BRCA1: variants seen among roughly 807,000 people sequenced by gnomAD.
BRCA1 encodes BRCA1 DNA repair associated, also known as breast cancer type 1 susceptibility protein.
A neutral mutation model predicts 173.7 loss-of-function variants in BRCA1; 140 were observed. The observed-to-expected ratio is 0.81, with a 90% CI of 0.70 to 0.93. The LOEUF is 0.93. Among genes scored for constraint, BRCA1 ranks in the 40% least tolerant of loss-of-function variants. BRCA1 has a pLI of 0.00. For missense variants in BRCA1, 1,983 were observed against 2,172.5 expected (o/e 0.91, Z 1.73); for synonymous variants, 662 against 756.0 (o/e 0.88, Z 2.04).
At position 43,138,875 on chromosome 17, in the gene BRCA1, G is replaced by A. The variant is rs547074173; in HGVS notation, c.-19-14760C>T. On this transcript the variant is annotated intron_variant, in intron 1 of 7. Transcript: ENST00000634433. The stretch of plus-strand genomic sequence containing the variant: ...GTGGGGCTGCAAGGACCTCAGCAGC[G>A]GTGTCCCAAGTTTCCTGACTTCTTC... 4.5e-5 allele frequency: 35 copies of A among 778,808 alleles called. 1 individual carries two copies. Among genetic ancestry groups the A allele is most frequent in the South Asian group, 4.3e-4 (32 of 74,520 alleles). 48.2% of individuals were successfully genotyped at this position (778,808 alleles called of 1,614,324 possible).
upstream of BRCA1, among the ~76,000 whole-genome samples, chr17:43,126,909 G>T (rs1482838615): frequency 1.3e-5 from 2 of 152,194 alleles, no homozygotes; most frequent in East Asian, 3.9e-4. Flanking sequence ...AGGTGGGCGC[G>T]GGCTCAGCGG....
rs28897691 is a variant in BRCA1, at chr17:43,074,370, C to G, written c.4636G>C (p.Asp1546His). The G allele has an allele frequency of 4.3e-6, 7 of 1,614,072 alleles. No individual in the cohort carries two copies. In the South Asian group the frequency reaches 6.6e-5, roughly 15 times the overall value. Reference sequence around the variant, plus strand: ...GGCAAGTAAGATGTTTCCGTCAAATCGTGTGGCCCAGACTCTTCCAGCTGT... The same window carrying G: ...GGCAAGTAAGATGTTTCCGTCAAATGGTGTGGCCCAGACTCTTCCAGCTGT... Reference protein sequence around the residue: ...EQQLEESGPHDLTETSYLPRQ... With the variant: ...EQQLEESGPHHLTETSYLPRQ... The change falls in exon 14 of 23, where the codon GAT becomes CAT. Residue 1546 changes from aspartate to histidine, a missense_variant. Physicochemically the swap from Asp to His is moderately conservative, Grantham distance 81. Transcript: ENST00000357654.
chr17:43,108,462 G>A (rs1342941263), intron 3 of BRCA1, among the ~76,000 whole-genome samples: 1 of 151,528 alleles, frequency 6.6e-6, no homozygotes, highest in Non-Finnish European at 1.5e-5. Flanking sequence ...TGCAATCCCA[G>A]GAGGCTGAGG....
At chr17:43,137,123 C>T (rs912335441) in intron 1 of BRCA1, among the ~76,000 whole-genome samples, 5 of 151,882 alleles carry the variant, frequency 3.3e-5, no homozygotes, top group Admixed American at 3.3e-4. Flanking sequence ...GAGTTCATGT[C>T]CTTTGTAGGG....
intron 1 of BRCA1, among the ~76,000 whole-genome samples, chr17:43,146,299 C>CTT (rs774223347): frequency 5.3e-4 from 40 of 76,118 alleles, no homozygotes; most frequent in African/African-American, 7.9e-4. Flanking sequence ...ATTTTTGTTA[C>CTT]TTTTTTTTTT....
At position 43,044,295 on chromosome 17, in the gene BRCA1, T is replaced by TG. The variant is rs1279709306; in HGVS notation, c.*1382dup. 9 of 467,114 alleles carry TG rather than the reference T, an allele frequency of 1.9e-5. No homozygotes were observed. Among genetic ancestry groups the TG allele is most frequent in the Non-Finnish European group, 3.8e-5 (9 of 235,504 alleles). 28.9% of individuals were successfully genotyped at this position (467,114 alleles called of 1,614,324 possible). ...AAGTCTCAAGAACAGTCATTCATGG[T>TG]GGAAGTGTTTGCTACCAAGTTTATT... On this transcript the variant is annotated 3_prime_UTR_variant, in exon 23 of 23. Transcript: ENST00000357654.
rs879254023 is a variant in BRCA1 at position 43,091,856 on chromosome 17, G to T, written c.3675C>A (p.Cys1225Ter). The T allele has an allele frequency of 6.2e-7, 1 of 1,614,050 alleles. No homozygotes were observed. The highest frequency in any genetic ancestry group is 8.5e-7 in the Non-Finnish European group (1 of 1,180,030). Residue 1225 changes from cysteine (C) to a stop codon, truncating the protein, a stop_gained, in exon 10 of 23, where the codon TGC (cysteine) becomes TGA (stop). Transcript: ENST00000357654. LOFTEE classifies it high-confidence loss of function. The stretch of plus-strand genomic sequence containing the variant: ...CTTTACCAAATAACAAGTGTTGGAA[G>T]CAGGGAAGCTCTTCATCCTCACTAG... ...NLSSEDEELP[C>*]FQHLLFGKVN...
At chr17:43,123,262 AGTAT>A (rs1004810563) in intron 2 of BRCA1, among the ~76,000 whole-genome samples, 8 of 151,878 alleles carry the variant, frequency 5.3e-5, no homozygotes, top group Admixed American at 2.6e-4. Flanking sequence ...TATGTAAATA[AGTAT>A]GTAATTTCAT....
rs975464399 is a variant in BRCA1, at chr17:43,044,397, G to A, written c.*1281C>T. The A allele has an allele frequency of 3.8e-5, 19 of 506,522 alleles. No homozygotes were observed. Among genetic ancestry groups the A allele is most frequent in the Admixed American group, 6.8e-5 (3 of 44,054 alleles). The allele number at this position is 506,522 out of a possible 1,614,324, so 31.4% of individuals were successfully genotyped here. A position where few individuals can be genotyped will look rare whatever the true frequency, so the allele number is the denominator to read the frequency against. On this transcript the variant is annotated 3_prime_UTR_variant, in exon 23 of 23. Coordinates refer to ENST00000357654, the MANE Select transcript of BRCA1 (RefSeq NM_007294.4). Reference sequence around the variant, plus strand: ...TTCACTGCCCTTGCACACTGGGGGGGCTAGGGAAGACCTAGTCCTTCCAAC... The same window carrying A: ...TTCACTGCCCTTGCACACTGGGGGGACTAGGGAAGACCTAGTCCTTCCAAC...
intron 11 of BRCA1, chr17:43,082,786 A>G: frequency 3.3e-6 from 2 of 600,198 alleles, no homozygotes; most frequent in Admixed American, 2.9e-5. Context: ...GAGGGAAAAA[A>G]TCCTCAAATT....
At chr17:43,079,858 C>A in intron 12 of BRCA1, 1 of 667,204 alleles carries the variant, frequency 1.5e-6, no homozygotes, top group Non-Finnish European at 2.6e-6. Context: ...GAACATTTAG[C>A]ATATAAATTC....
chr17:43,094,795 A>C lies in BRCA1; in HGVS notation c.736T>G (p.Leu246Val), dbSNP rs28897675. The C allele has an allele frequency of 7.1e-4, 1,141 of 1,613,334 alleles. No individual in the cohort carries two copies. Among genetic ancestry groups the C allele is most frequent in the Non-Finnish European group, 9.3e-4 (1,097 of 1,179,760 alleles). The change falls in exon 10 of 23, where the codon TTG (leucine) becomes GTG (valine). Residue 246 changes from leucine (L) to valine (V), a missense_variant. By Grantham distance (32) the Leu-to-Val change is conservative. Transcript: ENST00000357654. ...TEHHQPSNND[L>V]NTTEKRAAER... ...GCTGCACGCTTCTCAGTGGTGTTCA[A>C]ATCATTATTACTGGGTTGATGATGT...
In BRCA1 at chr17:43,071,176, A is replaced by G. The variant is rs2153882019; in HGVS notation, c.4738T>C (p.Ser1580Pro). 6.2e-7 allele frequency: 1 copy of G among 1,614,212 alleles called. No individual in the cohort carries two copies. The highest frequency in any genetic ancestry group is 8.5e-7 in the Non-Finnish European group (1 of 1,180,026). ...LFSDDPESDP[S>P]EDRAPESARV... ...GCTGACTCTGGGGCTCTGTCTTCAG[A>G]AGGATCAGATTCAGGGTCATCAGAG... The change falls in exon 15 of 23, where the codon TCT becomes CCT. Residue 1580 changes from serine to proline, a missense_variant. Ser to Pro is a moderately conservative substitution (Grantham distance 74). Transcript: ENST00000357654.
rs45519437 is a variant in BRCA1 at position 43,063,926 on chromosome 17, T to C, written c.5100A>G (p.Thr1700=). Residue 1700 remains threonine (T), a synonymous_variant, in exon 17 of 23, where the codon ACA becomes ACG. Transcript: ENST00000357654. The part of the protein sequence containing the change: ...KTDAEFVCER[T]LKYFLGIAGG... ...CCGCAATTCCTAGAAAATATTTCAG[T>C]GTCCGTTCACACACAAACTCAGCAT... is the stretch of plus-strand genomic sequence containing the variant. 33 of 1,613,968 alleles carry C rather than the reference T, an allele frequency of 2.0e-5. No individual in the cohort carries two copies. The highest frequency in any genetic ancestry group is 1.6e-4 in the Middle Eastern group (1 of 6,084).
In BRCA1 at chr17:43,067,595, G is replaced by T. The variant is rs2153693830; in HGVS notation, c.5074+13C>A. Reference sequence around the variant, plus strand: ...AGCAGATGCAAGGTATTCTGTAAAGGTTCTTGGTATACCTGTTTTCATAAC... The same window carrying T: ...AGCAGATGCAAGGTATTCTGTAAAGTTTCTTGGTATACCTGTTTTCATAAC... On this transcript the variant is annotated intron_variant, in intron 16 of 22. Coordinates refer to ENST00000357654, the MANE Select transcript of BRCA1 (RefSeq NM_007294.4). The T allele has an allele frequency of 3.8e-6, 6 of 1,588,664 alleles. No homozygotes were observed. The highest frequency in any genetic ancestry group is 5.2e-6 in the Non-Finnish European group (6 of 1,157,070).
intron 17 of BRCA1, 109 bp downstream of exon 17, chr17:43,063,765 T>C (rs1324005683): frequency 1.2e-6 from 1 of 833,940 alleles, no homozygotes; most frequent in African/African-American, 1.7e-5. Flanking sequence ...AAAGACCTTT[T>C]GGTAACTCAG....
chr17:43,072,689 C>T (rs1185531285), intron 14 of BRCA1, among the ~76,000 whole-genome samples: 13 of 150,160 alleles, frequency 8.7e-5, no homozygotes, highest in East Asian at 2.0e-4. Context: ...CTCAGCCTCC[C>T]GAGTAGCTGG....
intron 2 of BRCA1, among the ~76,000 whole-genome samples, chr17:43,120,252 A>G (rs994091420): frequency 2.0e-5 from 3 of 152,224 alleles, no homozygotes; most frequent in Non-Finnish European, 4.4e-5. Flanking sequence ...ATTGACTTAG[A>G]AGACAGCAGA....
intron 1 of BRCA1, chr17:43,124,956 G>C: frequency 2.9e-6 from 1 of 339,708 alleles, no homozygotes; most frequent in Non-Finnish European, 5.9e-6. Context: ...ACGTTGGTCA[G>C]GCTGGTCTGG....
Sources: gnomAD v4.1 joint callset for allele counts (sites outside exome capture counted in the v4.1 genomes callset) on GRCh38, gnomAD v4.1.1 for gene constraint, MANE v1.5 for transcripts, NCBI Gene and HGNC (gene_info 2026-07-23, HGNC 2026-07-21) for gene names.